Variants in GSG1L observed in about 807,000 individuals in gnomAD.
GSG1L encodes germ cell-specific gene 1-like protein.
Under a neutral mutation model 42.1 loss-of-function variants are expected in GSG1L, and 24 were observed. The observed-to-expected ratio is 0.57, with a 90% CI of 0.41 to 0.80. The LOEUF (loss-of-function observed/expected upper bound fraction) is 0.80. Among genes scored for constraint, GSG1L ranks in the 30% least tolerant of loss-of-function variants. The probability of loss-of-function intolerance (pLI) is 0.00; values close to 1 mark genes in which losing one functional copy is unlikely to be tolerated. For synonymous variants in GSG1L, 215 were observed against 203.5 expected (o/e 1.06, Z -0.48); for missense variants, 445 against 472.2 (o/e 0.94, Z 0.53).
Position 27,807,545 on chromosome 16 carries a change from C to T in GSG1L, c.840G>A (p.Lys280=). 6.2e-7 allele frequency: 1 copy of T among 1,611,992 alleles called. No homozygotes were observed. The highest frequency in any genetic ancestry group is 8.5e-7 in the Non-Finnish European group (1 of 1,179,802). ...AIKYFRERME[K]RDGSEEDFHL... The stretch of plus-strand genomic sequence containing the variant: ...GAAAGTCCTCCTCGCTCCCGTCCCT[C>T]TTCTCCATCCTGGAAAGAAAAAAAA... Residue 280 remains lysine (K), a synonymous_variant, in exon 6 of 7, where the codon AAG becomes AAA. Transcript: ENST00000447459.
At chr16:27,944,621 C>CAA (rs34204819) in intron 2 of GSG1L, among the ~76,000 whole-genome samples, 1 of 111,626 alleles carries the variant, frequency 9.0e-6, no homozygotes, top group South Asian at 2.7e-4. Flanking sequence ...GACTCTGCCT[C>CAA]AAAAAAAAAA....
In GSG1L at chr16:27,888,494, T is replaced by C. The variant is rs549435176; in HGVS notation, c.398-3856A>G. On this transcript the variant is annotated intron_variant, in intron 2 of 6. Coordinates refer to ENST00000447459, the MANE Select transcript of GSG1L (RefSeq NM_001109763.2). ...TCTCTCTCTCTTTCCTTTCTTTCTT[T>C]CTTTCTTTCTTTCTTTCTTTCTTTC... Among the ~76,000 whole-genome samples, 17 of 5,950 alleles carry C rather than the reference T, an allele frequency of 2.9e-3. 1 individual carries two copies. The highest frequency in any genetic ancestry group is 7.5e-3 in the African/African-American group (17 of 2,270). The allele number at this position is 5,950 out of a possible 152,430, so 3.9% of individuals were successfully genotyped here.
intron 2 of GSG1L, among the ~76,000 whole-genome samples, chr16:27,890,395 AG>A (rs2084111818): frequency 6.6e-6 from 1 of 152,216 alleles, no homozygotes; most frequent in Admixed American, 6.5e-5. Context: ...GGGCTTAGCC[AG>A]GGAACTCTGT....
At position 27,980,116 on chromosome 16, in the gene GSG1L, G is replaced by A. The variant is rs2085309857; in HGVS notation, c.350-16913C>T. On this transcript the variant is annotated intron_variant, in intron 1 of 6. Transcript: ENST00000447459. Reference sequence around the variant, plus strand: ...GAGCAGGTGGGGGGAACCTGGCAGGGCCACAGGCAAAATCAAGGGGGGTGG... The same window carrying A: ...GAGCAGGTGGGGGGAACCTGGCAGGACCACAGGCAAAATCAAGGGGGGTGG... 2.0e-5 allele frequency among the ~76,000 whole-genome samples: 3 copies of A among 152,146 alleles called. No individual in the cohort carries two copies. The South Asian group carries it at 6.2e-4, about 32-fold the overall frequency.
intron 1 of GSG1L, among the ~76,000 whole-genome samples, chr16:28,058,206 G>T (rs2141202061): frequency 6.6e-6 from 1 of 152,304 alleles, no homozygotes; most frequent in Non-Finnish European, 1.5e-5. Context: ...TGCACATCCA[G>T]CTTTGCCACT....
chr16:27,870,401 C>T (rs1415710321), intron 3 of GSG1L, among the ~76,000 whole-genome samples: 1 of 150,958 alleles, frequency 6.6e-6, no homozygotes, highest in Admixed American at 6.6e-5. Flanking sequence ...CTGTCTCCCT[C>T]CATCTCTCTC....
chr16:27,819,819 T>C (rs1203580135), intron 5 of GSG1L, among the ~76,000 whole-genome samples: 9 of 152,126 alleles, frequency 5.9e-5, no homozygotes, highest in Admixed American at 6.5e-5. Flanking sequence ...CGTTAGCATA[T>C]TGAGGAGGCA....
chr16:28,030,793 T>TGGGATGGGAG (rs2085950879), intron 1 of GSG1L, among the ~76,000 whole-genome samples: 1 of 123,114 alleles, frequency 8.1e-6, no homozygotes, highest in Non-Finnish European at 1.7e-5. Flanking sequence ...TGGGATGGGA[T>TGGGATGGGAG]GGGATGAGAT....
At chr16:27,949,903 C>T (rs1019555397) in intron 2 of GSG1L, among the ~76,000 whole-genome samples, 4 of 152,104 alleles carry the variant, frequency 2.6e-5, no homozygotes, top group African/African-American at 7.2e-5. Context: ...CCAGCCTGGG[C>T]GACAGAGTGA....
chr16:27,973,730 C>G (rs2085220467), intron 1 of GSG1L, among the ~76,000 whole-genome samples: 1 of 152,132 alleles, frequency 6.6e-6, no homozygotes. Flanking sequence ...GCCTCAGTTT[C>G]CCTACCTATA....
chr16:28,028,394 G>A (rs2085923391), intron 1 of GSG1L, among the ~76,000 whole-genome samples: 1 of 152,014 alleles, frequency 6.6e-6, no homozygotes, highest in South Asian at 2.1e-4. Context: ...ATTGACAAAA[G>A]TAAGACTTGA....
chr16:27,970,041 T>A (rs12933234), intron 1 of GSG1L, among the ~76,000 whole-genome samples: 40,313 of 151,890 alleles, frequency 0.27, 5,640 homozygotes, highest in East Asian at 0.48. Context: ...CTTTGCCCAC[T>A]TTTTAATTGT....
chr16:27,993,212 A>C (rs1321066145), intron 1 of GSG1L, among the ~76,000 whole-genome samples: 1 of 152,022 alleles, frequency 6.6e-6, no homozygotes, highest in Non-Finnish European at 1.5e-5. Flanking sequence ...GCAGTGGTGC[A>C]ATCTTGGCTC....
intron 1 of GSG1L, among the ~76,000 whole-genome samples, chr16:27,994,902 C>A (rs561986790): frequency 6.6e-6 from 1 of 152,286 alleles, no homozygotes; most frequent in South Asian, 2.1e-4. Flanking sequence ...GTGCAGTGCA[C>A]AGCCTGTGCA....
chr16:27,815,926 T>C (rs1280244300), intron 5 of GSG1L, among the ~76,000 whole-genome samples: 1 of 152,166 alleles, frequency 6.6e-6, no homozygotes, highest in African/African-American at 2.4e-5. Context: ...ATTGCACCAC[T>C]GCACTCCAGC....
At chr16:27,846,009 C>T (rs902251398) in intron 3 of GSG1L, among the ~76,000 whole-genome samples, 1 of 152,012 alleles carries the variant, frequency 6.6e-6, no homozygotes, top group East Asian at 1.9e-4. Context: ...CTCAGTTGAT[C>T]CTCCCACCTC....
chr16:27,862,216 T>C (rs182396999), intron 3 of GSG1L, among the ~76,000 whole-genome samples: 1 of 152,294 alleles, frequency 6.6e-6, no homozygotes. Flanking sequence ...AAGGAGCCTG[T>C]CCCTCTTGAT....
At chr16:28,027,165 C>A (rs969656555) in intron 1 of GSG1L, among the ~76,000 whole-genome samples, 1 of 152,178 alleles carries the variant, frequency 6.6e-6, no homozygotes, top group African/African-American at 2.4e-5. Context: ...CACTCTCCAT[C>A]CTCTTCTCTC....
intron 2 of GSG1L, among the ~76,000 whole-genome samples, chr16:27,907,220 TAC>T (rs1412098708): frequency 5.3e-5 from 8 of 152,248 alleles, no homozygotes; most frequent in African/African-American, 1.9e-4. Context: ...CCTCTGCCAG[TAC>T]AGACCCCCTC....
Sources: gnomAD v4.1 joint callset for allele counts (sites outside exome capture counted in the v4.1 genomes callset) on GRCh38, gnomAD v4.1.1 for gene constraint, MANE v1.5 for transcripts, NCBI Gene and HGNC (gene_info 2026-07-23, HGNC 2026-07-21) for gene names.